TNS1: variants seen among roughly 807,000 people sequenced by gnomAD.
TNS1 encodes the protein tensin 1, also known as tensin-1.
In TNS1, 62 loss-of-function variants were observed where a neutral mutation model predicts 168.6. The observed-to-expected ratio is 0.37, with a 90% CI of 0.30 to 0.45. TNS1 has a LOEUF of 0.45. TNS1 is among the 20% of genes least tolerant of loss of function. The pLI, the probability that TNS1 is intolerant of heterozygous loss-of-function variation, is 1.00. For synonymous variants in TNS1, 934 were observed against 933.2 expected, an observed-to-expected ratio of 1.00 and a Z score of -0.02; for missense variants, 2,240 against 2,339.4, an observed-to-expected ratio of 0.96 and a Z score of 0.88.
At chr2:217,938,080 G>C (rs1422661192) in intron 3 of TNS1, among the ~76,000 whole-genome samples, 1 of 152,198 alleles carries the variant, frequency 6.6e-6, no homozygotes. Flanking sequence ...GGCCAAGGAA[G>C]GGAAGCAAGA....
intron 18 of TNS1, among the ~76,000 whole-genome samples, chr2:217,866,369 G>A (rs1456722646): frequency 6.6e-6 from 1 of 152,158 alleles, no homozygotes; most frequent in Non-Finnish European, 1.5e-5. Flanking sequence ...GGCACTGTTT[G>A]GATCCCAGAG....
chr2:217,941,247 C>T lies in TNS1; in HGVS notation c.187-21011G>A, dbSNP rs910342162. Among the ~76,000 whole-genome samples the T allele has an allele frequency of 5.9e-5, 9 of 152,358 alleles. No individual in the cohort carries two copies. The South Asian group carries it at 8.3e-4, about 14-fold the overall frequency. ...TGCCCAACATCCCAGCACCCACCCC[C>T]GGTCCTTGCACACCAGCCCCAGAGC... On this transcript the variant is annotated intron_variant, in intron 3 of 32. Coordinates refer to ENST00000682258, the MANE Select transcript of TNS1 (RefSeq NM_001387777.1).
intron 18 of TNS1, among the ~76,000 whole-genome samples, chr2:217,872,967 TAA>T (rs1949900821): frequency 6.6e-6 from 1 of 152,200 alleles, no homozygotes; most frequent in Non-Finnish European, 1.5e-5. Flanking sequence ...TCCATTTACG[TAA>T]AGTGTCCAGA....
intron 3 of TNS1, among the ~76,000 whole-genome samples, chr2:217,965,470 C>A (rs1444155161): frequency 6.6e-6 from 1 of 152,182 alleles, no homozygotes; most frequent in Non-Finnish European, 1.5e-5. Context: ...ACTGCATGCA[C>A]CAGGCCACCT....
chr2:217,845,666 A>C (rs888338276), intron 19 of TNS1, among the ~76,000 whole-genome samples: 6 of 152,208 alleles, frequency 3.9e-5, no homozygotes, highest in African/African-American at 1.4e-4. Context: ...ACTTCATGGC[A>C]GCCAAAGCCT....
intron 1 of TNS1, among the ~76,000 whole-genome samples, chr2:218,008,844 C>G (rs1448242740): frequency 2.0e-5 from 3 of 152,156 alleles, no homozygotes; most frequent in African/African-American, 7.2e-5. Flanking sequence ...GCCTAATGGT[C>G]TGCAAGATCC....
At chr2:218,012,888 T>C (rs1016507755), upstream of TNS1, among the ~76,000 whole-genome samples, 1 of 151,320 alleles carries the variant, frequency 6.6e-6, no homozygotes, top group Non-Finnish European at 1.5e-5. Context: ...GGGTGGGGGG[T>C]TCTAATCCCA....
At chr2:218,014,908 G>A (rs1277164903), upstream of TNS1, among the ~76,000 whole-genome samples, 1 of 98,166 alleles carries the variant, frequency 1.0e-5, no homozygotes, top group East Asian at 2.3e-4. Context: ...AGGAAGGAAG[G>A]AAGGAAGGAA....
chr2:217,812,537 T>C, intron 27 of TNS1, 92 bp from the exon 28 acceptor site: 2 of 1,031,588 alleles, frequency 1.9e-6, no homozygotes, highest in Non-Finnish European at 2.9e-6. Flanking sequence ...ACACACAATC[T>C]TCCACTTCTT....
chr2:217,810,405 C>G (rs1234704584), intron 28 of TNS1, 86 bp from the exon 29 acceptor site: 5 of 1,326,212 alleles, frequency 3.8e-6, no homozygotes, highest in Non-Finnish European at 5.4e-6. Context: ...CTCTGCAACT[C>G]TTTGGCAGAA....
At position 217,848,685 on chromosome 2, in the gene TNS1, T is replaced by C. The variant is rs1429791085; in HGVS notation, c.1832A>G (p.His611Arg). Residue 611 changes from histidine to arginine, a missense_variant, in exon 19 of 33, where the codon CAT becomes CGT. By Grantham distance (29) the His-to-Arg change is conservative (BLOSUM62 0). Around this residue, in one of 2 missense-constraint regions of TNS1, gnomAD observed 2,131 missense variants for 2,171.2 expected, o/e 0.98. Coordinates refer to ENST00000682258, the MANE Select transcript of TNS1 (RefSeq NM_001387777.1). ...SGRHVVPAQV[H>R]VNGGALASER... The stretch of plus-strand genomic sequence containing the variant: ...AGATGCTAACGCCCCACCATTGACA[T>C]GAACCTGGGCTGGGACAACGTGGCG... The C allele has an allele frequency of 5.0e-6, 8 of 1,614,094 alleles. No individual in the cohort carries two copies. Among genetic ancestry groups the C allele is most frequent in the Non-Finnish European group, 6.8e-6 (8 of 1,180,038 alleles).
intron 19 of TNS1, among the ~76,000 whole-genome samples, chr2:217,836,828 G>A (rs961874362): frequency 6.6e-6 from 1 of 152,024 alleles, no homozygotes; most frequent in East Asian, 1.9e-4. Flanking sequence ...TTAGCTCCCC[G>A]CCCCCTTTTC....
intron 18 of TNS1, among the ~76,000 whole-genome samples, chr2:217,879,944 C>T (rs1235634241): frequency 6.6e-6 from 1 of 152,184 alleles, no homozygotes; most frequent in Admixed American, 6.5e-5. Context: ...AAAGGGCCAT[C>T]CTGGGTCACG....
At chr2:217,816,337 C>T (rs1003979237) in intron 24 of TNS1, among the ~76,000 whole-genome samples, 1 of 152,160 alleles carries the variant, frequency 6.6e-6, no homozygotes, top group Non-Finnish European at 1.5e-5. Flanking sequence ...CAGAAGTTGG[C>T]ATGAAAGACA....
At chr2:218,019,769 G>C (rs1254701450) in intron 1 of TNS1, among the ~76,000 whole-genome samples, 1 of 152,166 alleles carries the variant, frequency 6.6e-6, no homozygotes, top group African/African-American at 2.4e-5. Context: ...TCCCCAGTGT[G>C]TCCTGTTCTC....
Position 217,885,130 on chromosome 2 carries a change from G to A in TNS1, c.1151C>T (p.Ala384Val). The A allele has an allele frequency of 5.6e-6, 9 of 1,614,236 alleles. No homozygotes were observed. The highest frequency in any genetic ancestry group is 7.6e-6 in the Non-Finnish European group (9 of 1,180,042). ...CTGCACACGGAAGATGACGTCTCGG[G>A]CTGGGCTTCGGAACTTCTTGTGGTA... ...KCYHKKFRSP[A>V]RDVIFRVQFH... The change falls in exon 16 of 33, where the codon GCC (alanine) becomes GTC (valine). Residue 384 changes from alanine to valine, a missense_variant. Physicochemically the swap from Ala to Val is moderately conservative, Grantham distance 64. Coordinates refer to ENST00000682258, the MANE Select transcript of TNS1 (RefSeq NM_001387777.1).
At chr2:217,973,585 G>A (rs1286522962) in intron 3 of TNS1, among the ~76,000 whole-genome samples, 2 of 152,124 alleles carry the variant, frequency 1.3e-5, no homozygotes, top group Non-Finnish European at 2.9e-5. Flanking sequence ...CCTCTCTCCA[G>A]TGTCTGATGC....
At chr2:217,878,488 A>T (rs3791944) in intron 18 of TNS1, among the ~76,000 whole-genome samples, 10,054 of 152,206 alleles carry the variant, frequency 0.066, 760 homozygotes, top group East Asian at 0.29. Context: ...CCATTTGGAC[A>T]TAATAAGAGT....
Position 217,882,327 on chromosome 2 carries a change from A to G in TNS1, c.1312+19T>C, listed in dbSNP as rs1192667058. On this transcript the variant is annotated intron_variant, in intron 17 of 32. Transcript: ENST00000682258. ...ATAAAAGGAAGGAGTGAGAGAATGAATTCTAACTCGGCTTATACCTTGAAT... is the reference window on the plus strand; with the variant it reads ...ATAAAAGGAAGGAGTGAGAGAATGAGTTCTAACTCGGCTTATACCTTGAAT... The G allele has an allele frequency of 1.3e-6, 2 of 1,561,502 alleles. No homozygotes were observed. The highest frequency in any genetic ancestry group is 2.3e-5 in the South Asian group (2 of 88,064).
Sources: allele counts gnomAD v4.1 joint callset (sites outside exome capture counted in the v4.1 genomes callset), GRCh38; gene constraint gnomAD v4.1.1; regional missense constraint gnomAD v4.1.1; transcripts MANE v1.5; gene names NCBI Gene and HGNC (gene_info 2026-07-23, HGNC 2026-07-21).